The following DPP6 variants were observed in gnomAD, a reference collection of about 807,000 sequenced individuals.
DPP6 encodes the protein dipeptidyl peptidase like 6, also known as A-type potassium channel modulatory protein DPP6.
DPP6 carries 69 observed loss-of-function variants against 122.6 expected under a neutral mutation model. The ratio of observed to expected loss-of-function variants is 0.56; its 90% CI spans 0.46 to 0.69. DPP6 has a LOEUF of 0.69. Ranked by LOEUF, DPP6 falls within the 30% of genes least tolerant of loss-of-function variation. The pLI, the probability that DPP6 is intolerant of heterozygous loss-of-function variation, is 0.00. For missense variants in DPP6, 928 were observed against 1,116.9 expected (o/e 0.83, Z 2.41); for synonymous variants, 418 against 433.1 (o/e 0.97, Z 0.43).
chr7:154,554,256 T>C (rs1283881790), intron 4 of DPP6, among the ~76,000 whole-genome samples: 1 of 152,194 alleles, frequency 6.6e-6, no homozygotes, highest in Non-Finnish European at 1.5e-5. Context: ...TTATGTTAAA[T>C]TTGATGTGTG....
At chr7:154,592,845 G>A (rs1397453378) in intron 5 of DPP6, among the ~76,000 whole-genome samples, 1 of 152,154 alleles carries the variant, frequency 6.6e-6, no homozygotes, top group Non-Finnish European at 1.5e-5. Context: ...AGCTGATCTT[G>A]CTTCCTCTGT....
chr7:154,717,435 A>G (rs1003165883), intron 7 of DPP6, among the ~76,000 whole-genome samples: 1 of 151,490 alleles, frequency 6.6e-6, no homozygotes, highest in Non-Finnish European at 1.5e-5. Flanking sequence ...GCACCGTTCT[A>G]CTCTCTACTT....
intron 1 of DPP6, among the ~76,000 whole-genome samples, chr7:154,229,144 G>A (rs1800775394): frequency 6.6e-6 from 1 of 152,096 alleles, no homozygotes; most frequent in African/African-American, 2.4e-5. Flanking sequence ...CCTCCAGAAA[G>A]CCAACAAGCA....
At chr7:154,819,544 T>C (rs944583343) in intron 16 of DPP6, among the ~76,000 whole-genome samples, 14 of 152,234 alleles carry the variant, frequency 9.2e-5, no homozygotes, top group Non-Finnish European at 2.1e-4. Context: ...TGGTCAGTTT[T>C]CCTGTGAGAT....
chr7:154,053,378 C>G (rs1351113276), intron 1 of DPP6, among the ~76,000 whole-genome samples: 2 of 152,108 alleles, frequency 1.3e-5, no homozygotes, highest in Admixed American at 6.5e-5. Context: ...TTTTTAACAG[C>G]ATGCTGCTAT....
intron 6 of DPP6, among the ~76,000 whole-genome samples, chr7:154,641,773 G>T (rs914185305): frequency 6.6e-6 from 1 of 152,064 alleles, no homozygotes; most frequent in Non-Finnish European, 1.5e-5. Context: ...AGAAAAATTG[G>T]TCCTATCACT....
intron 1 of DPP6, among the ~76,000 whole-genome samples, chr7:154,255,776 C>T (rs1274034705): frequency 6.6e-6 from 1 of 152,192 alleles, no homozygotes; most frequent in African/African-American, 2.4e-5. Flanking sequence ...TGCTTTGACA[C>T]TTAGAAGACA....
chr7:153,939,650 G>T (rs1030908563), intron 1 of DPP6, among the ~76,000 whole-genome samples: 1 of 152,210 alleles, frequency 6.6e-6, no homozygotes, highest in Non-Finnish European at 1.5e-5. Context: ...GTCAAGTCTT[G>T]TGCTAGATTT....
intron 3 of DPP6, among the ~76,000 whole-genome samples, chr7:154,500,413 G>C (rs1034667807): frequency 1.3e-5 from 2 of 152,142 alleles, no homozygotes; most frequent in Non-Finnish European, 2.9e-5. Flanking sequence ...TTATAATATG[G>C]TTTCGCTGTG....
chr7:154,541,873 G>C (rs967627673), intron 4 of DPP6, among the ~76,000 whole-genome samples: 1 of 152,196 alleles, frequency 6.6e-6, no homozygotes, highest in Non-Finnish European at 1.5e-5. Context: ...TCACAGCTCA[G>C]TGATGGCTGA....
chr7:153,918,567 T>TCACACA (rs1563006184), intron 1 of DPP6, among the ~76,000 whole-genome samples: 46 of 46,138 alleles, frequency 1.0e-3, no homozygotes, highest in African/African-American at 1.7e-3. Flanking sequence ...ACACACACAG[T>TCACACA]CTCTCTCTCT....
intron 1 of DPP6, among the ~76,000 whole-genome samples, chr7:154,416,857 T>C (rs560272401): frequency 1.2e-5 from 1 of 80,212 alleles, no homozygotes; most frequent in African/African-American, 3.5e-5. Context: ...ATCCAGCTTC[T>C]AGGAGGCCTG....
Position 154,558,145 on chromosome 7 carries a change from G to T in DPP6, c.553-8697G>T, listed in dbSNP as rs568311837. ...CCCAGTATATGATGTTCCCCTCCCT[G>T]TGTCCATGTGTTCTCAATGTTGAAC... On this transcript the variant is annotated intron_variant, in intron 4 of 25. Transcript: ENST00000377770. 1.2e-4 allele frequency among the ~76,000 whole-genome samples: 18 copies of T among 151,554 alleles called. No homozygotes were observed. In the East Asian group the frequency reaches 1.8e-3, roughly 15 times the overall value.
chr7:154,297,733 A>G (rs1805636310), intron 1 of DPP6, among the ~76,000 whole-genome samples: 2 of 152,186 alleles, frequency 1.3e-5, no homozygotes, highest in South Asian at 4.1e-4. Context: ...CTCTTCTCAC[A>G]AAAGCCTCTG....
chr7:153,891,080 G>A (rs1322263068), intron 1 of DPP6, among the ~76,000 whole-genome samples: 1 of 143,956 alleles, frequency 6.9e-6, no homozygotes, highest in Non-Finnish European at 1.5e-5. Flanking sequence ...GGAGTGCAGT[G>A]GTGCTATCTC....
chr7:154,150,103 T>G (rs1203998396), intron 1 of DPP6, among the ~76,000 whole-genome samples: 1 of 152,234 alleles, frequency 6.6e-6, no homozygotes, highest in Admixed American at 6.5e-5. Context: ...GATGCCTTAT[T>G]ATGATGTCAC....
chr7:153,893,548 AAG>A lies in DPP6; in HGVS notation c.51+5815_51+5816del, dbSNP rs1029341801. Among the ~76,000 whole-genome samples, 118 of 152,390 alleles carry A rather than the reference AAG, an allele frequency of 7.7e-4. 1 individual carries two copies. Among genetic ancestry groups the A allele is most frequent in the African/African-American group, 2.6e-3 (110 of 41,604 alleles). ...TAGTTGAACGTTTAAGAACTCCTTC[AAG>A]TCCTAATACATCAGGTAACAGGAGA... On this transcript the variant is annotated intron_variant, in intron 1 of 25. Coordinates refer to the DPP6 transcript ENST00000404039.
intron 5 of DPP6, among the ~76,000 whole-genome samples, chr7:154,598,895 G>A (rs890150924): frequency 1.3e-5 from 2 of 152,062 alleles, no homozygotes; most frequent in Non-Finnish European, 2.9e-5. Context: ...ACTTTTCCTT[G>A]AAACCACCAC....
intron 1 of DPP6, among the ~76,000 whole-genome samples, chr7:154,137,776 C>T (rs1795650178): frequency 6.6e-6 from 1 of 152,114 alleles, no homozygotes; most frequent in Admixed American, 6.5e-5. Context: ...GCTGCCATGA[C>T]CTCCACTTCT....
Sources: allele counts gnomAD v4.1 joint callset (sites outside exome capture counted in the v4.1 genomes callset), GRCh38; gene constraint gnomAD v4.1.1; transcripts MANE v1.5; gene names NCBI Gene and HGNC (gene_info 2026-07-23, HGNC 2026-07-21).